MYO1H: variants seen among roughly 807,000 people sequenced by gnomAD.
MYO1H encodes the protein myosin IH, also known as unconventional myosin-Ih.
MYO1H carries 118 observed loss-of-function variants against 149.3 expected under a neutral mutation model. That is an observed-to-expected ratio of 0.79 (90% CI 0.68 to 0.92). The LOEUF (loss-of-function observed/expected upper bound fraction) is 0.92, where lower values mean the gene tolerates loss of function less well. Among genes scored for constraint, MYO1H ranks in the 40% least tolerant of loss-of-function variants. MYO1H has a pLI of 0.00. For missense variants in MYO1H, 1,212 were observed against 1,280.7 expected (o/e 0.95, Z 0.82); for synonymous variants, 447 against 465.2 (o/e 0.96, Z 0.50).
In MYO1H at chr12:109,442,299, A is replaced by T. The variant is rs574835074; in HGVS notation, c.2688+27A>T. Reference sequence around the variant, plus strand: ...TAAGGCGATGTGTGTCCTCAGTCTCAAACAGGATTCCCTCATCGAGTCTAA... The same window carrying T: ...TAAGGCGATGTGTGTCCTCAGTCTCTAACAGGATTCCCTCATCGAGTCTAA... On this transcript the variant is annotated intron_variant, in intron 27 of 31. Coordinates refer to ENST00000310903, the Ensembl canonical transcript of MYO1H. 12 of 1,605,622 alleles carry T rather than the reference A, an allele frequency of 7.5e-6. No homozygotes were observed. The African/African-American group carries it at 1.1e-4, about 14-fold the overall frequency.
chr12:109,340,904 T>C, the MYO1H span, among the ~76,000 whole-genome samples: 3 of 152,086 alleles, frequency 2.0e-5, no homozygotes, highest in Admixed American at 1.3e-4. Flanking sequence ...TTCCTTTTCA[T>C]GGCCAGGCTC....
intron 5 of MYO1H, 99 bp from the exon 6 acceptor site, chr12:109,400,994 C>A: frequency 1.0e-6 from 1 of 988,338 alleles, no homozygotes; most frequent in Middle Eastern, 2.1e-4. Flanking sequence ...TTGATCAGAT[C>A]AGACTTCATT....
upstream of MYO1H, among the ~76,000 whole-genome samples, chr12:109,347,267 G>A (rs1233910440): frequency 1.3e-5 from 2 of 152,142 alleles, no homozygotes; most frequent in South Asian, 2.1e-4. Context: ...AACTTTATAC[G>A]ATGAGGCCCA....
At chr12:109,440,856 TGGTGGG>T in intron 25 of MYO1H, 29 bp downstream of exon 25, 4 of 1,313,268 alleles carry the variant, frequency 3.0e-6, no homozygotes, top group Non-Finnish European at 4.3e-6. Flanking sequence ...CGGTGGCCGG[TGGTGGG>T]GGTGGGTGTA....
intron 1 of MYO1H, among the ~76,000 whole-genome samples, chr12:109,386,663 G>A (rs1007465754): frequency 3.9e-5 from 6 of 152,170 alleles, no homozygotes; most frequent in African/African-American, 1.4e-4. Flanking sequence ...GTCTATTCAA[G>A]TCTTTTGCCA....
At chr12:109,360,369 CAG>C (rs1178180119) in intron 1 of MYO1H, among the ~76,000 whole-genome samples, 5 of 152,268 alleles carry the variant, frequency 3.3e-5, no homozygotes, top group Non-Finnish European at 2.9e-5. Context: ...ATGTGAACTT[CAG>C]AGTTTCAACG....
At chr12:109,439,057 T>G (rs1871992068) in intron 23 of MYO1H, among the ~76,000 whole-genome samples, 1 of 111,914 alleles carries the variant, frequency 8.9e-6, no homozygotes, top group African/African-American at 3.6e-5. Flanking sequence ...AATCTGGCTT[T>G]TGGGGTTTTG....
At chr12:109,340,682 TTTAAA>T in the MYO1H span, among the ~76,000 whole-genome samples, 1 of 151,884 alleles carries the variant, frequency 6.6e-6, no homozygotes, top group Non-Finnish European at 1.5e-5. Flanking sequence ...GATTAGTCTT[TTTAAA>T]TTACATTCAT....
chr12:109,342,069 T>C, the MYO1H span, among the ~76,000 whole-genome samples: 1 of 152,120 alleles, frequency 6.6e-6, no homozygotes, highest in Non-Finnish European at 1.5e-5. Context: ...TTTCATTTCT[T>C]TCAGTAAAAT....
chr12:109,427,909 A>AATATATATATATATATATAT (rs1555254297), intron 19 of MYO1H, among the ~76,000 whole-genome samples: 20 of 16,406 alleles, frequency 1.2e-3, no homozygotes, highest in South Asian at 3.4e-3. Context: ...AAAAAAAAAA[A>AATATATATATATATATATAT]ATATATATAT....
exon 1 of MYO1H, chr12:109,347,960 G>A: frequency 2.5e-6 from 1 of 399,054 alleles, no homozygotes; most frequent in Non-Finnish European, 4.4e-6. Flanking sequence ...CTCTGTGCGT[G>A]ATGGAATCCA....
upstream of MYO1H, among the ~76,000 whole-genome samples, chr12:109,347,397 C>A (rs1868359324): frequency 6.6e-6 from 1 of 152,128 alleles, no homozygotes; most frequent in African/African-American, 2.4e-5. Context: ...ACTTCAGCAT[C>A]TGAAAATAAT....
chr12:109,426,048 C>G, exon 18 of MYO1H: 1 of 1,610,404 alleles, frequency 6.2e-7, no homozygotes, highest in Non-Finnish European at 8.5e-7. Flanking sequence ...CAGGAAAGAA[C>G]CCAGTGAGTT....
At chr12:109,313,918 C>T in the MYO1H span, among the ~76,000 whole-genome samples, 1 of 151,914 alleles carries the variant, frequency 6.6e-6, no homozygotes, top group East Asian at 1.9e-4. Context: ...GAGTTTCGCT[C>T]TTTTTCCCCA....
rs1566044726 is a variant in MYO1H, at chr12:109,443,052, ATGTG to A, written c.2689-460_2689-457del. On this transcript the variant is annotated intron_variant, in intron 27 of 31. Coordinates refer to ENST00000310903, the Ensembl canonical transcript of MYO1H. ...TATGTGTGTGTGTGTGTGTGTATAT[ATGTG>A]TACGTATGTGTGTATATATGTGTAC... 3.1e-3 allele frequency among the ~76,000 whole-genome samples: 136 copies of A among 43,950 alleles called. 11 individuals are homozygous for A. Among genetic ancestry groups the A allele is most frequent in the Non-Finnish European group, 4.7e-3 (94 of 19,868 alleles). The allele number at this position is 43,950 out of a possible 152,430, so 28.8% of individuals were successfully genotyped here. A position where few individuals can be genotyped will look rare whatever the true frequency, so the allele number is the denominator to read the frequency against.
exon 18 of MYO1H, chr12:109,425,978 C>G (rs1277104928): frequency 6.2e-7 from 1 of 1,613,854 alleles, no homozygotes. Flanking sequence ...GTCTGAGCAG[C>G]CTTCTAGAAA....
chr12:109,393,565 A>G (rs1487776792), intron 3 of MYO1H, 119 bp downstream of exon 3: 4 of 668,032 alleles, frequency 6.0e-6, no homozygotes, highest in African/African-American at 5.3e-5. Flanking sequence ...CCATCCATCC[A>G]TCCATCCATC....
intron 1 of MYO1H, among the ~76,000 whole-genome samples, chr12:109,387,124 T>A (rs990837618): frequency 4.6e-5 from 7 of 152,058 alleles, no homozygotes; most frequent in African/African-American, 1.7e-4. Context: ...GAGATGGGAA[T>A]CTCCCTGTGT....
At chr12:109,334,883 A>G in the MYO1H span, among the ~76,000 whole-genome samples, 1 of 152,302 alleles carries the variant, frequency 6.6e-6, no homozygotes, top group South Asian at 2.1e-4. Flanking sequence ...TGTCACCACT[A>G]TTTGAGAACA....
Sources: gnomAD v4.1 joint callset for allele counts (sites outside exome capture counted in the v4.1 genomes callset) on GRCh38, gnomAD v4.1.1 for gene constraint, MANE v1.5 for transcripts, NCBI Gene and HGNC (gene_info 2026-07-23, HGNC 2026-07-21) for gene names.